OLFM3: variants seen among roughly 807,000 people sequenced by gnomAD.
OLFM3 encodes olfactomedin 3.
A neutral mutation model predicts 48.6 loss-of-function variants in OLFM3; 20 were observed. That is an observed-to-expected ratio of 0.41 (90% CI 0.29 to 0.60). OLFM3 has a LOEUF of 0.60. Among genes scored for constraint, OLFM3 ranks in the 20% least tolerant of loss-of-function variants. The probability of loss-of-function intolerance (pLI) is 0.28; values close to 1 mark genes in which losing one functional copy is unlikely to be tolerated. For missense variants in OLFM3, 437 were observed against 544.3 expected, an observed-to-expected ratio of 0.80 and a Z score of 1.96; for synonymous variants, 222 against 198.1, an observed-to-expected ratio of 1.12 and a Z score of -1.01.
At chr1:101,889,089 T>C (rs1483893603) in intron 1 of OLFM3, among the ~76,000 whole-genome samples, 1 of 152,216 alleles carries the variant, frequency 6.6e-6, no homozygotes, top group Non-Finnish European at 1.5e-5. Flanking sequence ...TGGAAGACAG[T>C]GTGGCGATTC....
chr1:101,896,724 T>G (rs1182197252), intron 1 of OLFM3, among the ~76,000 whole-genome samples: 4 of 148,246 alleles, frequency 2.7e-5, no homozygotes, highest in Non-Finnish European at 6.0e-5. Flanking sequence ...GTGGTCTCGA[T>G]CTCCTGACCT....
At chr1:101,904,750 C>G (rs961266974) in intron 1 of OLFM3, among the ~76,000 whole-genome samples, 11 of 152,048 alleles carry the variant, frequency 7.2e-5, no homozygotes, top group Admixed American at 7.2e-4. Context: ...ATAACTTTCT[C>G]CCTATCACTG....
chr1:101,846,192 T>A (rs1215312598), intron 1 of OLFM3, among the ~76,000 whole-genome samples: 1 of 152,204 alleles, frequency 6.6e-6, no homozygotes, highest in East Asian at 1.9e-4. Context: ...TAATTTTAGA[T>A]GAATGAAGAT....
intron 1 of OLFM3, chr1:101,846,849 G>A (rs746937504): frequency 6.2e-7 from 1 of 1,610,620 alleles, no homozygotes; most frequent in East Asian, 2.2e-5. Context: ...ACTTACTAAG[G>A]TATCCGGAGT....
intron 1 of OLFM3, chr1:101,846,900 G>A (rs1039112429): frequency 2.5e-6 from 4 of 1,612,766 alleles, no homozygotes; most frequent in Non-Finnish European, 2.5e-6. Context: ...GGATGGGAGA[G>A]TTTGGGACAT....
chr1:101,830,778 C>G lies in OLFM3; in HGVS notation c.266G>C (p.Arg89Thr). Reference protein sequence around the residue: ...SIEVLNLRTQRDFQYVLKMET... With the variant: ...SIEVLNLRTQTDFQYVLKMET... Reference sequence around the variant, plus strand: ...CATTTTTAAAACATATTGGAAATCTCTCTGAGTTCTCAAGTTTAAGACTTC... The same window carrying G: ...CATTTTTAAAACATATTGGAAATCTGTCTGAGTTCTCAAGTTTAAGACTTC... The change falls in exon 3 of 6, where the codon AGA (arginine) becomes ACA (threonine). Residue 89 changes from arginine (R) to threonine (T), a missense_variant. This residue lies in a region of OLFM3 where 314 missense variants were observed against 365.5 expected (regional missense o/e 0.86). Transcript: ENST00000370103. 6.2e-7 allele frequency: 1 copy of G among 1,614,016 alleles called. No individual in the cohort carries two copies. The highest frequency in any genetic ancestry group is 8.5e-7 in the Non-Finnish European group (1 of 1,179,888).
intron 2 of OLFM3, among the ~76,000 whole-genome samples, chr1:101,833,810 A>G (rs534656374): frequency 6.6e-6 from 1 of 152,306 alleles, no homozygotes; most frequent in South Asian, 2.1e-4. Context: ...CGATTTCTTG[A>G]CTGTAGGACT....
At chr1:101,872,132 T>C (rs923569425) in intron 1 of OLFM3, among the ~76,000 whole-genome samples, 6 of 152,002 alleles carry the variant, frequency 3.9e-5, no homozygotes, top group East Asian at 1.9e-4. Flanking sequence ...CCTTGAAGCA[T>C]AGGAAGGTGA....
chr1:101,851,064 GT>G (rs1656205432), intron 1 of OLFM3, among the ~76,000 whole-genome samples: 3 of 152,092 alleles, frequency 2.0e-5, no homozygotes, highest in African/African-American at 7.2e-5. Context: ...AATAGGAAGA[GT>G]AACATAAAAT....
intron 2 of OLFM3, among the ~76,000 whole-genome samples, chr1:101,832,573 G>A (rs749083058): frequency 2.6e-5 from 4 of 152,170 alleles, no homozygotes; most frequent in African/African-American, 9.7e-5. Context: ...GTAGGGGCAG[G>A]GAAGTAGCCT....
chr1:101,948,180 G>A (rs544090932), intron 1 of OLFM3, among the ~76,000 whole-genome samples: 43 of 152,162 alleles, frequency 2.8e-4, no homozygotes, highest in Non-Finnish European at 1.3e-4. Flanking sequence ...CTAAGTATTT[G>A]AAATTAAGTT....
chr1:101,966,860 G>A (rs929932348), intron 1 of OLFM3, among the ~76,000 whole-genome samples: 4 of 152,092 alleles, frequency 2.6e-5, no homozygotes, highest in Non-Finnish European at 5.9e-5. Context: ...GTTTGGGTTT[G>A]ATATATTTCT....
intron 1 of OLFM3, among the ~76,000 whole-genome samples, chr1:101,877,614 A>G (rs543776994): frequency 6.6e-6 from 1 of 152,024 alleles, no homozygotes; most frequent in East Asian, 1.9e-4. Flanking sequence ...AGGGAATGAT[A>G]AACAGGTAAA....
In OLFM3 at chr1:101,951,705, G is replaced by A. The variant is rs181077567; in HGVS notation, c.69+45043C>T. ...TAGCAAACATGCACTATTCTTGATA[G>A]ACTTTGAAATATTTTGCATCTATAA... On this transcript the variant is annotated intron_variant, in intron 1 of 5. Transcript: ENST00000370103. Among the ~76,000 whole-genome samples, 399 of 152,186 alleles carry A rather than the reference G, an allele frequency of 2.6e-3. 3 individuals carry two copies. The highest frequency in any genetic ancestry group is 9.2e-3 in the African/African-American group (383 of 41,550).
intron 1 of OLFM3, among the ~76,000 whole-genome samples, chr1:101,872,060 G>A (rs1433520918): frequency 6.6e-6 from 1 of 152,036 alleles, no homozygotes; most frequent in Non-Finnish European, 1.5e-5. Context: ...CAGTTTTGCA[G>A]GAGTGAAAGC....
At chr1:101,938,164 A>G (rs949596787) in intron 1 of OLFM3, among the ~76,000 whole-genome samples, 5 of 152,218 alleles carry the variant, frequency 3.3e-5, no homozygotes, top group African/African-American at 1.2e-4. Context: ...TTTCCTCAAT[A>G]TTTGTTTAAC....
chr1:101,868,916 G>A (rs554187105), intron 1 of OLFM3, among the ~76,000 whole-genome samples: 108 of 152,328 alleles, frequency 7.1e-4, no homozygotes, highest in African/African-American at 2.3e-3. Context: ...ATGTGGTATT[G>A]GGCCTGTGTG....
At chr1:101,899,267 C>T (rs1658311255) in intron 1 of OLFM3, among the ~76,000 whole-genome samples, 1 of 152,064 alleles carries the variant, frequency 6.6e-6, no homozygotes, top group Non-Finnish European at 1.5e-5. Flanking sequence ...TTTTCACTGG[C>T]TATTGGCCAG....
chr1:101,846,575 C>G (rs17125572), intron 1 of OLFM3, among the ~76,000 whole-genome samples: 18,044 of 151,868 alleles, frequency 0.12, 1,179 homozygotes, highest in Non-Finnish European at 0.13. Flanking sequence ...ATTGCCCAAG[C>G]TTCCAAGTAA....
Sources: gnomAD v4.1 joint callset for allele counts (sites outside exome capture counted in the v4.1 genomes callset) on GRCh38, gnomAD v4.1.1 for gene constraint, gnomAD v4.1.1 regional missense constraint, MANE v1.5 for transcripts, NCBI Gene and HGNC (gene_info 2026-07-23, HGNC 2026-07-21) for gene names.